The following DES variants were observed in gnomAD, a reference collection of about 807,000 sequenced individuals.
The protein encoded by DES is cardiomyopathy, dilated 1F (autosomal dominant).
A neutral mutation model predicts 55.1 loss-of-function variants in DES; 34 were observed. The ratio of observed to expected loss-of-function variants is 0.62; its 90% CI spans 0.47 to 0.82. The LOEUF (loss-of-function observed/expected upper bound fraction) is 0.82. DES is among the 40% of genes least tolerant of loss of function. The pLI is 0.00. For missense variants in DES, 596 were observed against 645.9 expected (o/e 0.92, Z 0.84); for synonymous variants, 259 against 270.8 (o/e 0.96, Z 0.43).
intron 5 of DES, 77 bp from the exon 6 acceptor site, chr2:219,421,263 C>G (rs1038729474): frequency 1.3e-6 from 2 of 1,530,618 alleles, no homozygotes; most frequent in African/African-American, 2.7e-5. Context: ...TCTGGAGTTG[C>G]CTGCCAGCCC....
In DES at chr2:219,420,291, G is replaced by A. The variant is rs141486420; in HGVS notation, c.680G>A (p.Arg227His). 8.1e-6 allele frequency: 13 copies of A among 1,614,174 alleles called. No homozygotes were observed. The highest frequency in any genetic ancestry group is 8.0e-5 in the African/African-American group (6 of 75,032). Residue 227 changes from arginine to histidine, a missense_variant, in exon 3 of 9, where the codon CGC becomes CAC. Arg to His is a conservative substitution (Grantham distance 29). Transcript: ENST00000373960. The surrounding 1 kb of genome is among the most constrained non-coding windows in gnomAD (Gnocchi z 6.0). ...ACTCTAGCTCGCATTGACCTGGAGC[G>A]CAGAATTGAATCTCTCAACGAGGAG... ...AATLARIDLE[R>H]RIESLNEEIA...
intron 5 of DES, 64 bp from the exon 6 acceptor site, chr2:219,421,276 A>C: frequency 6.3e-7 from 1 of 1,591,804 alleles, no homozygotes; most frequent in African/African-American, 1.3e-5. Context: ...GCCAGCCCCA[A>C]AGCTTTCTTT....
chr2:219,426,397 C>T lies in DES; in HGVS notation c.*407C>T, dbSNP rs1352738720. On this transcript the variant is annotated 3_prime_UTR_variant, in exon 9 of 9. Transcript: ENST00000373960. This position sits in a 1 kb window ranked among gnomAD's most constrained non-coding sequence, Gnocchi z 4.5. ...ACTGAGCCCCGCAGACCTCCCCAGC[C>T]CCTAGCCCAGGAGAGAGAAAGCCAG... 12 of 348,580 alleles carry T rather than the reference C, an allele frequency of 3.4e-5. No homozygotes were observed. Among genetic ancestry groups the T allele is most frequent in the Non-Finnish European group, 6.7e-5 (12 of 180,410 alleles). 21.6% of individuals were successfully genotyped at this position (348,580 alleles called of 1,614,324 possible). A position where few individuals can be genotyped will look rare whatever the true frequency, so the allele number is the denominator to read the frequency against.
In DES at chr2:219,418,554, G is replaced by A. The variant is rs892698652; in HGVS notation, c.92G>A (p.Ser31Asn). The change falls in exon 1 of 9, where the codon AGT (serine) becomes AAT (asparagine). Residue 31 changes from serine (S) to asparagine (N), a missense_variant. Ser to Asn is a conservative substitution (Grantham distance 46). Transcript: ENST00000373960. ...APGFPLGSPLSSPVFPRAGFG... is the reference protein window; with the variant it reads ...APGFPLGSPLNSPVFPRAGFG... ...GGCTTCCCACTCGGCTCCCCGCTGA[G>A]TTCGCCCGTGTTCCCGCGGGCGGGT... 2.5e-6 allele frequency: 4 copies of A among 1,603,576 alleles called. No individual in the cohort carries two copies. The highest frequency in any genetic ancestry group is 3.4e-6 in the Non-Finnish European group (4 of 1,175,878).
At chr2:219,421,633 C>T (rs1337803231) in intron 6 of DES, 73 bp downstream of exon 6, 5 of 1,407,034 alleles carry the variant, frequency 3.6e-6, no homozygotes, top group Admixed American at 2.0e-5. Flanking sequence ...CCAGGAGGCT[C>T]GAGATTACTG....
rs121913005 is a variant in DES at position 219,425,699 on chromosome 2, C to A, written c.1325C>A (p.Thr442Asn). The A allele has an allele frequency of 4.8e-5, 76 of 1,595,828 alleles. No individual in the cohort carries two copies. The highest frequency in any genetic ancestry group is 6.5e-5 in the Non-Finnish European group (76 of 1,171,354). The change falls in exon 8 of 9, where the codon ACC becomes AAC. Residue 442 changes from threonine (T) to asparagine (N), a missense_variant. By Grantham distance (65) the Thr-to-Asn change is moderately conservative. Transcript: ENST00000373960. ...GAGCAAAGGGGTTCTGAGGTCCATA[C>A]CAAGAAGACGGTGATGATCAAGACC... is the stretch of plus-strand genomic sequence containing the variant. ...SPEQRGSEVH[T>N]KKTVMIKTIE...
rs1475120487 is a variant in DES, at chr2:219,418,493, G to A, written c.31G>A (p.Val11Met). The change falls in exon 1 of 9, where the codon GTG (valine) becomes ATG (methionine). Residue 11 changes from valine to methionine, a missense_variant. Coordinates refer to ENST00000373960, the MANE Select transcript of DES (RefSeq NM_001927.4). Reference sequence around the variant, plus strand: ...CCAGGCCTACTCGTCCAGCCAGCGCGTGTCCTCCTACCGCCGCACCTTCGG... The same window carrying A: ...CCAGGCCTACTCGTCCAGCCAGCGCATGTCCTCCTACCGCCGCACCTTCGG... MSQAYSSSQR[V>M]SSYRRTFGGA... The A allele has an allele frequency of 1.9e-6, 3 of 1,601,256 alleles. No individual in the cohort carries two copies. The highest frequency in any genetic ancestry group is 1.1e-5 in the South Asian group (1 of 90,276).
In DES at chr2:219,420,782, G is replaced by A. The variant is rs750024872; in HGVS notation, c.898-46G>A. 2.3e-5 allele frequency: 37 copies of A among 1,613,246 alleles called. No individual in the cohort carries two copies. Among genetic ancestry groups the A allele is most frequent in the South Asian group, 2.1e-4 (19 of 91,054 alleles). ...CATGCTCCCTTGCTCATCCCTACCC[G>A]TGCCCTGCATCCTTCTCATTTTTGG... On this transcript the variant is annotated intron_variant, in intron 4 of 8. Coordinates refer to ENST00000373960, the MANE Select transcript of DES (RefSeq NM_001927.4). This position sits in a 1 kb window ranked among gnomAD's most constrained non-coding sequence, Gnocchi z 6.0.
intron 5 of DES, 69 bp downstream of exon 5, chr2:219,421,022 C>A: frequency 6.3e-7 from 1 of 1,576,558 alleles, no homozygotes; most frequent in Non-Finnish European, 8.6e-7. Context: ...ACTTTGTGAC[C>A]TTGGGCCCAT....
At chr2:219,421,055 A>C in intron 5 of DES, 102 bp downstream of exon 5, 1 of 1,457,402 alleles carries the variant, frequency 6.9e-7, no homozygotes, top group Non-Finnish European at 9.3e-7. Flanking sequence ...CTGGGCCTTC[A>C]TCTACTTAAA....
At chr2:219,422,234 G>C (rs559913798) in intron 6 of DES, among the ~76,000 whole-genome samples, 1 of 152,208 alleles carries the variant, frequency 6.6e-6, no homozygotes, top group African/African-American at 2.4e-5. Context: ...GGCAAATAGA[G>C]AGAGGGAGGG....
In DES at chr2:219,420,724, G is replaced by A; in HGVS notation, c.897+68G>A. ...ATCCCAGCTTGGATGTGCTGCCTGT[G>A]GTACCATCCATGGGAGGAGAGCCCA... On this transcript the variant is annotated intron_variant, in intron 4 of 8. Coordinates refer to ENST00000373960, the MANE Select transcript of DES (RefSeq NM_001927.4). This position sits in a 1 kb window ranked among gnomAD's most constrained non-coding sequence, Gnocchi z 6.0. 5.6e-6 allele frequency: 9 copies of A among 1,613,376 alleles called. No individual in the cohort carries two copies. Among genetic ancestry groups the A allele is most frequent in the Non-Finnish European group, 6.8e-6 (8 of 1,179,518 alleles).
At position 219,421,653 on chromosome 2, in the gene DES, A is replaced by G. The variant is rs576125265; in HGVS notation, c.1244+93A>G. ...AGGCTCGAGATTACTGATTACCTCA[A>G]CAAGACCTGGAAACAATTTTTTTTT... On this transcript the variant is annotated intron_variant, in intron 6 of 8. Transcript: ENST00000373960. 1.5e-5 allele frequency: 18 copies of G among 1,230,768 alleles called. No homozygotes were observed. The African/African-American group carries it at 2.4e-4, about 17-fold the overall frequency. The allele number at this position is 1,230,768 out of a possible 1,614,324, so 76.2% of individuals were successfully genotyped here. A position where few individuals can be genotyped will look rare whatever the true frequency, so the allele number is the denominator to read the frequency against.
chr2:219,421,698 C>A, intron 6 of DES, 138 bp downstream of exon 6: 1 of 756,022 alleles, frequency 1.3e-6, no homozygotes, highest in Non-Finnish European at 2.1e-6. Flanking sequence ...TGGAGTTTCG[C>A]TCTTGTCGCC....
Position 219,425,709 on chromosome 2 carries a change from G to T in DES, c.1335G>T (p.Thr445=), listed in dbSNP as rs780984657. 1.3e-6 allele frequency: 2 copies of T among 1,599,816 alleles called. No homozygotes were observed. The highest frequency in any genetic ancestry group is 2.3e-5 in the East Asian group (1 of 44,436). ...GTTCTGAGGTCCATACCAAGAAGAC[G>T]GTGATGATCAAGACCATCGAGACAC... The part of the protein sequence containing the change: ...QRGSEVHTKK[T]VMIKTIETRD... The change falls in exon 8 of 9, where the codon ACG becomes ACT. Residue 445 remains threonine, a synonymous_variant. Coordinates refer to ENST00000373960, the MANE Select transcript of DES (RefSeq NM_001927.4).
chr2:219,420,281 G>C lies in DES; in HGVS notation c.670G>C (p.Asp224His), dbSNP rs1175610914. 1 of 1,614,072 alleles carries C rather than the reference G, an allele frequency of 6.2e-7. No individual in the cohort carries two copies. Among genetic ancestry groups the C allele is most frequent in the African/African-American group, 1.3e-5 (1 of 74,914 alleles). The change falls in exon 3 of 9, where the codon GAC (aspartate) becomes CAC (histidine). Residue 224 changes from aspartate (D) to histidine (H), a missense_variant. Transcript: ENST00000373960. This position sits in a 1 kb window ranked among gnomAD's most constrained non-coding sequence, Gnocchi z 6.0. ...GGATGCAGCTACTCTAGCTCGCATT[G>C]ACCTGGAGCGCAGAATTGAATCTCT... ...DVDAATLARI[D>H]LERRIESLNE...
At position 219,418,978 on chromosome 2, in the gene DES, G is replaced by A. The variant is rs1014762661; in HGVS notation, c.516G>A (p.Gln172=). ...GCCAGGTGGAGGTGCTCACTAACCAGCGCGCGCGCGTCGACGTCGAGCGCG... is the reference window on the plus strand; with the variant it reads ...GCCAGGTGGAGGTGCTCACTAACCAACGCGCGCGCGTCGACGTCGAGCGCG... ...LRRQVEVLTN[Q]RARVDVERDN... The change falls in exon 1 of 9, where the codon CAG becomes CAA. Residue 172 remains glutamine (Q), a synonymous_variant. Coordinates refer to ENST00000373960, the MANE Select transcript of DES (RefSeq NM_001927.4). 2.1e-5 allele frequency: 33 copies of A among 1,550,766 alleles called. No individual in the cohort carries two copies. The highest frequency in any genetic ancestry group is 2.9e-5 in the Non-Finnish European group (33 of 1,147,866).
intron 6 of DES, among the ~76,000 whole-genome samples, chr2:219,422,906 C>G (rs2125169932): frequency 6.6e-6 from 1 of 152,240 alleles, no homozygotes; most frequent in South Asian, 2.1e-4. Context: ...TCAGTTACTC[C>G]AAAAACTGGT....
At position 219,420,908 on chromosome 2, in the gene DES, C is replaced by T. The variant is rs375238266; in HGVS notation, c.978C>T (p.His326=). The T allele has an allele frequency of 2.5e-6, 4 of 1,613,570 alleles. No individual in the cohort carries two copies. Among genetic ancestry groups the T allele is most frequent in the Non-Finnish European group, 8.5e-7 (1 of 1,179,730 alleles). The stretch of plus-strand genomic sequence containing the variant: ...AGCAGGAGATGATGGAATACCGACA[C>T]CAGATCCAGTCCTACACCTGCGAGA... ...QAKQEMMEYR[H]QIQSYTCEID... is the part of the protein sequence containing the mutation. Residue 326 remains histidine (H), a synonymous_variant, in exon 5 of 9, where the codon CAC becomes CAT. Coordinates refer to ENST00000373960, the MANE Select transcript of DES (RefSeq NM_001927.4). The surrounding 1 kb of genome is among the most constrained non-coding windows in gnomAD (Gnocchi z 6.0).
Sources: allele counts gnomAD v4.1 joint callset (sites outside exome capture counted in the v4.1 genomes callset), GRCh38; gene constraint gnomAD v4.1.1; non-coding constraint Gnocchi (gnomAD v3.1); transcripts MANE v1.5; gene names NCBI Gene and HGNC (gene_info 2026-07-23, HGNC 2026-07-21).